Variants in CGNL1 observed in about 807,000 individuals in gnomAD.
CGNL1 encodes the protein cingulin like 1.
Under a neutral mutation model 141.2 loss-of-function variants are expected in CGNL1, and 132 were observed. The observed-to-expected ratio is 0.93, with a 90% CI of 0.81 to 1.08. CGNL1 has a LOEUF of 1.08. Ranked by LOEUF, CGNL1 falls within the 50% of genes least tolerant of loss-of-function variation. The pLI is 0.00. For missense variants in CGNL1, 1,870 were observed against 1,588.6 expected (o/e 1.18, Z -3.01); for synonymous variants, 690 against 622.1 (o/e 1.11, Z -1.63).
intron 1 of CGNL1, among the ~76,000 whole-genome samples, chr15:57,427,766 A>AC (rs11319844): frequency 6.6e-6 from 1 of 152,108 alleles, no homozygotes; most frequent in African/African-American, 2.4e-5. Context: ...GGAATTCCAC[A>AC]CCCCCCCATG....
Position 57,461,809 on chromosome 15 carries a change from C to G in CGNL1, c.2320C>G (p.His774Asp), listed in dbSNP as rs1567133123. 1.9e-6 allele frequency: 3 copies of G among 1,614,068 alleles called. No homozygotes were observed. Among genetic ancestry groups the G allele is most frequent in the Middle Eastern group, 1.6e-4 (1 of 6,062 alleles). Residue 774 changes from histidine to aspartate, a missense_variant, in exon 8 of 19, where the codon CAT becomes GAT. By Grantham distance (81) the His-to-Asp change is moderately conservative (BLOSUM62 -1). Transcript: ENST00000281282. Reference sequence around the variant, plus strand: ...AGCCCTGAAAGAAGAGGTTTCCAGCCATGATCAGGAGATGGACAAGCTGAA... The same window carrying G: ...AGCCCTGAAAGAAGAGGTTTCCAGCGATGATCAGGAGATGGACAAGCTGAA... ...KGALKEEVSS[H>D]DQEMDKLKEQ...
chr15:57,544,547 G>A lies in CGNL1; in HGVS notation c.3450G>A (p.Gln1150=), dbSNP rs2032749597. 5.6e-6 allele frequency: 9 copies of A among 1,610,412 alleles called. No individual in the cohort carries two copies. Among genetic ancestry groups the A allele is most frequent in the Non-Finnish European group, 7.6e-6 (9 of 1,178,426 alleles). ...YRSSKEGLVV[Q]MEARIAELED... The stretch of plus-strand genomic sequence containing the variant: ...CCAGCAAAGAGGGGCTGGTTGTGCA[G>A]ATGGAGGCCAGGATCGCGGAGCTGG... The change falls in exon 16 of 19, where the codon CAG becomes CAA. Residue 1150 remains glutamine (Q), a synonymous_variant. Transcript: ENST00000281282.
intron 7 of CGNL1, 106 bp downstream of exon 7, chr15:57,453,924 G>A (rs2152325097): frequency 7.8e-7 from 1 of 1,274,168 alleles, no homozygotes; most frequent in Non-Finnish European, 1.1e-6. Context: ...GTGCACACCT[G>A]CTCCACCTGT....
At chr15:57,427,712 G>T (rs2062994152) in intron 1 of CGNL1, among the ~76,000 whole-genome samples, 1 of 152,218 alleles carries the variant, frequency 6.6e-6, no homozygotes, top group Admixed American at 6.5e-5. Context: ...GCAGACATCT[G>T]CGAGGATGTT....
At chr15:57,395,088 A>G (rs4774937) in intron 1 of CGNL1, among the ~76,000 whole-genome samples, 15,559 of 152,228 alleles carry the variant, frequency 0.1, 956 homozygotes, top group Admixed American at 0.17. Context: ...TCCAGCCTGG[A>G]TGACAGAGTG....
intron 8 of CGNL1, among the ~76,000 whole-genome samples, chr15:57,465,905 G>C (rs2063505793): frequency 6.6e-6 from 1 of 152,144 alleles, no homozygotes; most frequent in Admixed American, 6.5e-5. Context: ...ATGTTGTACA[G>C]GTATTCCAAA....
At position 57,412,503 on chromosome 15, in the gene CGNL1, C is replaced by T. The variant is rs2062800833; in HGVS notation, c.-15-25482C>T. Among the ~76,000 whole-genome samples, 3 of 152,186 alleles carry T rather than the reference C, an allele frequency of 2.0e-5. No homozygotes were observed. The South Asian group carries it at 6.2e-4, about 32-fold the overall frequency. On this transcript the variant is annotated intron_variant, in intron 1 of 18. Coordinates refer to ENST00000281282, the MANE Select transcript of CGNL1 (RefSeq NM_032866.5). ...TATGAGATGGCATCTTTGATTATCA[C>T]ATTTCCCAGGAACCTGGCTGATGCG...
intron 1 of CGNL1, among the ~76,000 whole-genome samples, chr15:57,434,943 A>G (rs1203171608): frequency 6.6e-6 from 1 of 152,174 alleles, no homozygotes; most frequent in Non-Finnish European, 1.5e-5. Context: ...AACCCAGAAA[A>G]TAATATAACA....
At chr15:57,448,788 T>C (rs2063287644) in intron 4 of CGNL1, among the ~76,000 whole-genome samples, 1 of 152,226 alleles carries the variant, frequency 6.6e-6, no homozygotes, top group Non-Finnish European at 1.5e-5. Context: ...ATTTAGTTAC[T>C]GGTTAGTTCT....
intron 12 of CGNL1, among the ~76,000 whole-genome samples, chr15:57,528,266 A>G (rs1238118694): frequency 6.6e-6 from 1 of 151,132 alleles, no homozygotes; most frequent in African/African-American, 2.5e-5. Context: ...CAAAAAAAAA[A>G]GACAAAAAAA....
In CGNL1 at chr15:57,418,269, C is replaced by T. The variant is rs567647204; in HGVS notation, c.-15-19716C>T. On this transcript the variant is annotated intron_variant, in intron 1 of 18. Transcript: ENST00000281282. The stretch of plus-strand genomic sequence containing the variant: ...CAGTCCATATTTCCTGCCACTGTGG[C>T]TTCCTATGGCTAAACAAGCGTAATG... Among the ~76,000 whole-genome samples, 36 of 152,272 alleles carry T rather than the reference C, an allele frequency of 2.4e-4. 1 individual carries two copies. In the South Asian group the frequency reaches 7.5e-3, roughly 32 times the overall value.
At chr15:57,521,932 G>C (rs1429708875) in intron 10 of CGNL1, among the ~76,000 whole-genome samples, 1 of 152,162 alleles carries the variant, frequency 6.6e-6, no homozygotes, top group East Asian at 1.9e-4. Context: ...TGTTTTCACA[G>C]ATTGACGTTT....
intron 8 of CGNL1, among the ~76,000 whole-genome samples, chr15:57,493,247 T>C (rs2063891108): frequency 6.6e-6 from 1 of 152,214 alleles, no homozygotes; most frequent in Admixed American, 6.5e-5. Context: ...CTGAAGAAGA[T>C]GATCCTTACA....
chr15:57,544,146 A>G (rs1363216684), intron 15 of CGNL1, among the ~76,000 whole-genome samples: 2 of 152,212 alleles, frequency 1.3e-5, no homozygotes, highest in African/African-American at 2.4e-5. Flanking sequence ...GGACTGGCAA[A>G]GGAGCCTATT....
At chr15:57,376,595 CG>C in intron 1 of CGNL1, 28 bp downstream of exon 1, 1 of 153,238 alleles carries the variant, frequency 6.5e-6, no homozygotes, top group Non-Finnish European at 1.5e-5. Context: ...TGGAGCGGGG[CG>C]GGGTGTGCGC....
At chr15:57,535,225 T>C (rs544379369) in intron 14 of CGNL1, among the ~76,000 whole-genome samples, 1 of 152,208 alleles carries the variant, frequency 6.6e-6, no homozygotes, top group East Asian at 1.9e-4. Context: ...CTGCAAAATA[T>C]GATGAATACC....
chr15:57,445,412 T>C (rs1448693348), intron 4 of CGNL1, among the ~76,000 whole-genome samples: 2 of 152,166 alleles, frequency 1.3e-5, no homozygotes, highest in African/African-American at 4.8e-5. Flanking sequence ...GGAATCTGAT[T>C]ACTTGCTGGC....
intron 1 of CGNL1, among the ~76,000 whole-genome samples, chr15:57,395,132 C>T (rs1484904377): frequency 6.6e-6 from 1 of 152,116 alleles, no homozygotes; most frequent in East Asian, 1.9e-4. Context: ...CAAACAAAAA[C>T]CCCACCAAAC....
intron 8 of CGNL1, among the ~76,000 whole-genome samples, chr15:57,465,491 A>C (rs2063500549): frequency 6.7e-6 from 1 of 149,174 alleles, no homozygotes; most frequent in Non-Finnish European, 1.5e-5. Context: ...CCTGGGTTCA[A>C]GTGATTCTCC....
Sources: gnomAD v4.1 joint callset for allele counts (sites outside exome capture counted in the v4.1 genomes callset) on GRCh38, gnomAD v4.1.1 for gene constraint, MANE v1.5 for transcripts, NCBI Gene and HGNC (gene_info 2026-07-23, HGNC 2026-07-21) for gene names.